The following ARHGEF38 variants were observed in gnomAD, a reference collection of about 807,000 sequenced individuals.
The protein encoded by ARHGEF38 is Rho guanine nucleotide exchange factor 38.
A neutral mutation model predicts 79.9 loss-of-function variants in ARHGEF38; 79 were observed. That is an observed-to-expected ratio of 0.99 (90% CI 0.82 to 1.19). The LOEUF is 1.19. Ranked by LOEUF, ARHGEF38 falls within the 50% of genes most tolerant of loss-of-function variation. ARHGEF38 has a pLI of 0.00. For synonymous variants in ARHGEF38, 366 were observed against 328.3 expected, an observed-to-expected ratio of 1.11 and a Z score of -1.24; for missense variants, 962 against 907.2, an observed-to-expected ratio of 1.06 and a Z score of -0.78.
intron 3 of ARHGEF38, among the ~76,000 whole-genome samples, chr4:105,626,844 A>G (rs1728968491): frequency 6.6e-6 from 1 of 151,520 alleles, no homozygotes; most frequent in Non-Finnish European, 1.5e-5. Context: ...ACACCTCTAC[A>G]GTCCCTTCTG....
chr4:105,626,850 T>C (rs998358798), intron 3 of ARHGEF38, among the ~76,000 whole-genome samples: 5 of 151,620 alleles, frequency 3.3e-5, no homozygotes, highest in Admixed American at 3.3e-4. Flanking sequence ...CTACAGTCCC[T>C]TCTGGAACTT....
chr4:105,561,028 G>C (rs7692920), intron 1 of ARHGEF38, among the ~76,000 whole-genome samples: 42,855 of 152,086 alleles, frequency 0.28, 7,247 homozygotes, highest in Non-Finnish European at 0.39. Flanking sequence ...GCTGCTAGGA[G>C]CTTAGGGTCA....
rs1247439831 is a variant in ARHGEF38 at position 105,580,974 on chromosome 4, C to A, written c.197-8274C>A. Among the ~76,000 whole-genome samples, 7 of 152,016 alleles carry A rather than the reference C, an allele frequency of 4.6e-5. No homozygotes were observed. The East Asian group carries it at 1.4e-3, about 29-fold the overall frequency. ...ACAGGCATGAGCCACCAAGCCGGGA[C>A]TATTCTGTTTGTTTTTTGGTGGAGA... On this transcript the variant is annotated intron_variant, in intron 1 of 13. Transcript: ENST00000420470.
intron 1 of ARHGEF38, among the ~76,000 whole-genome samples, chr4:105,584,675 GTCTA>G (rs1371532750): frequency 2.0e-5 from 3 of 151,958 alleles, no homozygotes; most frequent in African/African-American, 7.3e-5. Flanking sequence ...CTATTTCTAT[GTCTA>G]TCTATATATA....
intron 3 of ARHGEF38, among the ~76,000 whole-genome samples, chr4:105,628,958 T>C (rs963113011): frequency 1.2e-4 from 18 of 152,220 alleles, no homozygotes; most frequent in Admixed American, 7.2e-4. Context: ...GCACTTTTTA[T>C]ATCTATCACC....
At chr4:105,596,740 C>T (rs549623352) in intron 2 of ARHGEF38, among the ~76,000 whole-genome samples, 1 of 152,168 alleles carries the variant, frequency 6.6e-6, no homozygotes, top group Non-Finnish European at 1.5e-5. Flanking sequence ...AGCTTCAGCA[C>T]GTCATGGGAA....
intron 2 of ARHGEF38, among the ~76,000 whole-genome samples, chr4:105,595,405 T>C (rs1727535238): frequency 6.6e-6 from 1 of 152,150 alleles, no homozygotes; most frequent in African/African-American, 2.4e-5. Flanking sequence ...AGGAATTCAG[T>C]TGGAATTTTC....
rs1417114365 is a variant in ARHGEF38 at position 105,648,592 on chromosome 4, C to A, written c.918C>A (p.Asp306Glu). Reference protein sequence around the residue: ...KKNDEDESLKDKLSKLNIHSI... With the variant: ...KKNDEDESLKEKLSKLNIHSI... ...ATGACGAGGATGAATCACTTAAAGACAAATTGTCTAAACTAAATATTCATT... is the reference window on the plus strand; with the variant it reads ...ATGACGAGGATGAATCACTTAAAGAAAAATTGTCTAAACTAAATATTCATT... Residue 306 changes from aspartate (D) to glutamate (E), a missense_variant, in exon 7 of 14, where the codon GAC (aspartate) becomes GAA (glutamate). Coordinates refer to ENST00000420470, the MANE Select transcript of ARHGEF38 (RefSeq NM_001242729.2). The A allele has an allele frequency of 3.9e-6, 6 of 1,530,616 alleles. No individual in the cohort carries two copies. The East Asian group carries it at 7.4e-5, about 19-fold the overall frequency. 94.8% of individuals were successfully genotyped at this position (1,530,616 alleles called of 1,614,324 possible). A position where few individuals can be genotyped will look rare whatever the true frequency, so the allele number is the denominator to read the frequency against.
chr4:105,596,064 C>G (rs900089218), intron 2 of ARHGEF38, among the ~76,000 whole-genome samples: 1 of 152,142 alleles, frequency 6.6e-6, no homozygotes, highest in African/African-American at 2.4e-5. Context: ...TGTTCATGCT[C>G]TCTCTCAATT....
At chr4:105,619,223 G>A (rs1305435810) in intron 3 of ARHGEF38, among the ~76,000 whole-genome samples, 3 of 151,736 alleles carry the variant, frequency 2.0e-5, no homozygotes, top group East Asian at 3.9e-4. Context: ...AATGAAATGA[G>A]GCAAAATGAT....
rs200268389 is a variant in ARHGEF38 at position 105,589,334 on chromosome 4, C to A, written c.283C>A (p.Arg95=). 104 of 1,613,854 alleles carry A rather than the reference C, an allele frequency of 6.4e-5. No homozygotes were observed. The South Asian group carries it at 8.9e-4, about 14-fold the overall frequency. ...EHHMKRMMAK[R]EKIIKELIQT... is the part of the protein sequence containing the mutation. ...TCATATGAAGAGGATGATGGCAAAG[C>A]GGGAAAAGATCATTAAGGAGCTGAT... The change falls in exon 2 of 14, where the codon CGG becomes AGG. Residue 95 remains arginine, a synonymous_variant. Coordinates refer to ENST00000420470, the MANE Select transcript of ARHGEF38 (RefSeq NM_001242729.2).
chr4:105,587,456 T>G (rs1165198200), intron 1 of ARHGEF38, among the ~76,000 whole-genome samples: 1 of 152,066 alleles, frequency 6.6e-6, no homozygotes, highest in East Asian at 1.9e-4. Flanking sequence ...TGGATTATGA[T>G]TTATGATTAT....
chr4:105,565,337 A>G (rs1188873317), intron 1 of ARHGEF38, among the ~76,000 whole-genome samples: 1 of 152,182 alleles, frequency 6.6e-6, no homozygotes, highest in Non-Finnish European at 1.5e-5. Context: ...AGTCTGCTCC[A>G]TTCATCTTTC....
chr4:105,665,538 G>C, intron 10 of ARHGEF38, among the ~76,000 whole-genome samples: 1 of 152,044 alleles, frequency 6.6e-6, no homozygotes, highest in East Asian at 1.9e-4. Context: ...CAGGGCTCGA[G>C]TGATCTTCTG....
At chr4:105,572,622 A>C (rs1465359869) in intron 1 of ARHGEF38, among the ~76,000 whole-genome samples, 1 of 152,194 alleles carries the variant, frequency 6.6e-6, no homozygotes, top group Non-Finnish European at 1.5e-5. Context: ...TACCTCATAC[A>C]AGTGGGATCA....
chr4:105,618,060 A>T lies in ARHGEF38; in HGVS notation c.508+4553A>T, dbSNP rs542798871. On this transcript the variant is annotated intron_variant, in intron 3 of 13. Coordinates refer to ENST00000420470, the MANE Select transcript of ARHGEF38 (RefSeq NM_001242729.2). ...AAACAATTCAAATGGAAGCAAAAAG[A>T]TAATGCCTATAAAAATATTTCAGCT... is the stretch of plus-strand genomic sequence containing the variant. Among the ~76,000 whole-genome samples, 6 of 152,334 alleles carry T rather than the reference A, an allele frequency of 3.9e-5. No individual in the cohort carries two copies. In the East Asian group the frequency reaches 1.2e-3, roughly 29 times the overall value.
chr4:105,612,986 A>C (rs568287333), intron 2 of ARHGEF38, among the ~76,000 whole-genome samples: 5 of 152,248 alleles, frequency 3.3e-5, no homozygotes, highest in African/African-American at 1.2e-4. Context: ...GGTTTAAAAA[A>C]CAGCTTTGAA....
At chr4:105,664,601 A>G (rs1730682777) in intron 10 of ARHGEF38, among the ~76,000 whole-genome samples, 2 of 152,242 alleles carry the variant, frequency 1.3e-5, no homozygotes, top group South Asian at 4.1e-4. Context: ...TGATTTGTGT[A>G]TTAGTCATGA....
At chr4:105,575,757 A>G (rs1726465665) in intron 1 of ARHGEF38, among the ~76,000 whole-genome samples, 1 of 152,004 alleles carries the variant, frequency 6.6e-6, no homozygotes, top group Admixed American at 6.6e-5. Context: ...TTTCAAAGTT[A>G]TCTTCTAGAA....
Sources: gnomAD v4.1 joint callset for allele counts (sites outside exome capture counted in the v4.1 genomes callset) on GRCh38, gnomAD v4.1.1 for gene constraint, MANE v1.5 for transcripts, NCBI Gene and HGNC (gene_info 2026-07-23, HGNC 2026-07-21) for gene names.